Variants in RPS6KC1 observed in about 807,000 individuals in gnomAD.
RPS6KC1 encodes inactive ribosomal protein S6 kinase delta-1.
In RPS6KC1, 54 loss-of-function variants were observed where a neutral mutation model predicts 103.8. The ratio of observed to expected loss-of-function variants is 0.52; its 90% CI spans 0.42 to 0.65. The LOEUF (loss-of-function observed/expected upper bound fraction) is 0.65, where lower values mean the gene tolerates loss of function less well. Among genes scored for constraint, RPS6KC1 ranks in the 30% least tolerant of loss-of-function variants. The pLI is 0.00. For missense variants in RPS6KC1, 1,151 were observed against 1,253.8 expected, an observed-to-expected ratio of 0.92 and a Z score of 1.24; for synonymous variants, 439 against 438.7, an observed-to-expected ratio of 1.00 and a Z score of -0.01.
the RPS6KC1 span, among the ~76,000 whole-genome samples, chr1:213,303,482 T>G: frequency 6.6e-6 from 1 of 152,136 alleles, no homozygotes; most frequent in Non-Finnish European, 1.5e-5. Context: ...ATGCCTGGAC[T>G]CCAGGGCTTT....
At chr1:213,703,997 T>C in the RPS6KC1 span, among the ~76,000 whole-genome samples, 1 of 152,192 alleles carries the variant, frequency 6.6e-6, no homozygotes, top group Admixed American at 6.5e-5. Flanking sequence ...TAGATCCTGT[T>C]ATTTTTTAAT....
chr1:213,649,428 C>T, the RPS6KC1 span, among the ~76,000 whole-genome samples: 13 of 152,226 alleles, frequency 8.5e-5, no homozygotes, highest in East Asian at 9.7e-4. Flanking sequence ...CTCCACTCCG[C>T]CCCCACCTAG....
the RPS6KC1 span, among the ~76,000 whole-genome samples, chr1:213,728,952 T>TTTTTTTTTTG: frequency 1.5e-5 from 2 of 134,416 alleles, no homozygotes; most frequent in Admixed American, 1.4e-4. Flanking sequence ...TTTTTTGTTT[T>TTTTTTTTTTG]TTTTTTTTTT....
At chr1:213,542,974 G>A in the RPS6KC1 span, among the ~76,000 whole-genome samples, 8 of 152,178 alleles carry the variant, frequency 5.3e-5, no homozygotes, top group African/African-American at 1.9e-4. Context: ...CTCTGTAAAG[G>A]AGAATGAGGA....
chr1:213,642,604 T>A, the RPS6KC1 span, among the ~76,000 whole-genome samples: 1 of 152,080 alleles, frequency 6.6e-6, no homozygotes, highest in African/African-American at 2.4e-5. Flanking sequence ...GATTATTATC[T>A]ATGTGACAAA....
At chr1:213,704,253 G>A in the RPS6KC1 span, among the ~76,000 whole-genome samples, 1 of 151,170 alleles carries the variant, frequency 6.6e-6, no homozygotes, top group South Asian at 2.1e-4. Flanking sequence ...CGGGCGAGGT[G>A]GCGGGCGCCT....
the RPS6KC1 span, among the ~76,000 whole-genome samples, chr1:213,308,176 T>C: frequency 6.6e-6 from 1 of 151,914 alleles, no homozygotes; most frequent in South Asian, 2.1e-4. Flanking sequence ...GAGCTGGATG[T>C]GGTGGTGGGC....
the RPS6KC1 span, among the ~76,000 whole-genome samples, chr1:213,419,206 C>T: frequency 4.6e-5 from 7 of 152,174 alleles, no homozygotes; most frequent in African/African-American, 1.7e-4. Flanking sequence ...TGATGATGCC[C>T]CTCCTAGAGG....
the RPS6KC1 span, among the ~76,000 whole-genome samples, chr1:213,500,207 CTATT>C: frequency 3.9e-5 from 6 of 152,164 alleles, no homozygotes; most frequent in South Asian, 2.1e-4. Flanking sequence ...AAGCTTTTTC[CTATT>C]TATTAACTTT....
At chr1:213,696,928 A>G in the RPS6KC1 span, among the ~76,000 whole-genome samples, 1 of 151,634 alleles carries the variant, frequency 6.6e-6, no homozygotes, top group African/African-American at 2.4e-5. Context: ...GCTCGGTCCC[A>G]CAAGACTGCC....
At chr1:213,372,654 G>A in the RPS6KC1 span, among the ~76,000 whole-genome samples, 1 of 152,114 alleles carries the variant, frequency 6.6e-6, no homozygotes, top group African/African-American at 2.4e-5. Flanking sequence ...TGGTCTGTAG[G>A]CATTTTTGTT....
intron 8 of RPS6KC1, among the ~76,000 whole-genome samples, chr1:213,211,370 A>G (rs2093500305): frequency 1.3e-5 from 2 of 152,198 alleles, no homozygotes; most frequent in South Asian, 4.1e-4. Context: ...GACAATCAAA[A>G]TGAGAATGAC....
chr1:213,825,533 GCCA>G, the RPS6KC1 span, among the ~76,000 whole-genome samples: 5 of 152,274 alleles, frequency 3.3e-5, 1 homozygote, highest in South Asian at 1.0e-3. Flanking sequence ...GGGGGTTAAT[GCCA>G]GCCAGTGGTG....
At chr1:213,134,061 GT>G (rs1572739378) in intron 6 of RPS6KC1, among the ~76,000 whole-genome samples, 1 of 151,974 alleles carries the variant, frequency 6.6e-6, no homozygotes, top group East Asian at 1.9e-4. Context: ...AGCAGGCCCT[GT>G]AATAGGGAAT....
chr1:213,256,243 G>A (rs563899362), intron 12 of RPS6KC1, among the ~76,000 whole-genome samples: 2 of 152,248 alleles, frequency 1.3e-5, no homozygotes, highest in South Asian at 2.1e-4. Context: ...AAAGTCAATG[G>A]GGAAGAAATG....
At chr1:213,402,958 C>CAAAAAAAAAA in the RPS6KC1 span, among the ~76,000 whole-genome samples, 4 of 111,510 alleles carry the variant, frequency 3.6e-5, no homozygotes, top group African/African-American at 1.4e-4. Flanking sequence ...ACTAAAAATA[C>CAAAAAAAAAA]AAAAAAAAAA....
chr1:213,087,531 CT>C (rs1415697117), intron 3 of RPS6KC1, among the ~76,000 whole-genome samples: 1 of 152,148 alleles, frequency 6.6e-6, no homozygotes, highest in Non-Finnish European at 1.5e-5. Context: ...AGTATTTTTT[CT>C]TTATGGTGAA....
At chr1:213,623,744 G>C in the RPS6KC1 span, among the ~76,000 whole-genome samples, 1 of 152,188 alleles carries the variant, frequency 6.6e-6, no homozygotes. Flanking sequence ...ATAGGTTTTA[G>C]AGGTCTACCA....
At chr1:213,712,373 C>A in the RPS6KC1 span, among the ~76,000 whole-genome samples, 2 of 152,206 alleles carry the variant, frequency 1.3e-5, no homozygotes, top group Non-Finnish European at 2.9e-5. Flanking sequence ...CCTCACCAAG[C>A]TCAAGTGTCC....
Sources: allele counts gnomAD v4.1 joint callset (sites outside exome capture counted in the v4.1 genomes callset), GRCh38; gene constraint gnomAD v4.1.1; transcripts MANE v1.5; gene names NCBI Gene and HGNC (gene_info 2026-07-23, HGNC 2026-07-21).